Variants in ITSN2 observed in about 807,000 individuals in gnomAD.
ITSN2 encodes the protein intersectin-2.
ITSN2 carries 156 observed loss-of-function variants against 243.7 expected under a neutral mutation model. The observed-to-expected ratio is 0.64, with a 90% CI of 0.56 to 0.73. ITSN2 has a LOEUF of 0.73. ITSN2 is among the 30% of genes least tolerant of loss of function. The pLI is 0.00. For missense variants in ITSN2, 1,801 were observed against 1,996.1 expected (o/e 0.90, Z 1.86); for synonymous variants, 703 against 699.9 (o/e 1.00, Z -0.07).
intron 29 of ITSN2, among the ~76,000 whole-genome samples, chr2:24,228,462 A>G (rs956152253): frequency 1.3e-5 from 2 of 152,246 alleles, no homozygotes; most frequent in Non-Finnish European, 2.9e-5. Flanking sequence ...ACTGTATAAA[A>G]CAACAATAAT....
At chr2:24,258,889 G>A (rs2151376709) in intron 22 of ITSN2, among the ~76,000 whole-genome samples, 1 of 152,254 alleles carries the variant, frequency 6.6e-6, no homozygotes. Flanking sequence ...CTAACATCAA[G>A]CCTTGTAGTT....
At chr2:24,207,813 C>A (rs990613685) in intron 37 of ITSN2, among the ~76,000 whole-genome samples, 1 of 151,608 alleles carries the variant, frequency 6.6e-6, no homozygotes, top group Admixed American at 6.6e-5. Context: ...GTCTAGGCCC[C>A]CTGGCTGCAA....
intron 8 of ITSN2, among the ~76,000 whole-genome samples, chr2:24,305,317 A>G (rs1232014820): frequency 1.3e-5 from 2 of 152,162 alleles, no homozygotes; most frequent in African/African-American, 4.8e-5. Flanking sequence ...AAAACAGACC[A>G]GTGGACAGGC....
intron 15 of ITSN2, among the ~76,000 whole-genome samples, chr2:24,286,950 T>C (rs941637131): frequency 2.0e-5 from 3 of 152,156 alleles, no homozygotes; most frequent in East Asian, 3.8e-4. Flanking sequence ...GCAGAATACA[T>C]TACAATAAAT....
chr2:24,277,389 A>T (rs1224896430), intron 17 of ITSN2, among the ~76,000 whole-genome samples: 1 of 152,234 alleles, frequency 6.6e-6, no homozygotes, highest in Non-Finnish European at 1.5e-5. Flanking sequence ...GAAATAGTAG[A>T]TTTGATCTAA....
At chr2:24,288,113 G>A (rs1574159878) in intron 15 of ITSN2, among the ~76,000 whole-genome samples, 1 of 152,030 alleles carries the variant, frequency 6.6e-6, no homozygotes, top group East Asian at 1.9e-4. Flanking sequence ...CAAGGCCAAT[G>A]TCAAAGAGCT....
intron 14 of ITSN2, among the ~76,000 whole-genome samples, chr2:24,294,824 A>G (rs1167477693): frequency 6.6e-6 from 1 of 152,196 alleles, no homozygotes; most frequent in Non-Finnish European, 1.5e-5. Context: ...CAGTACTATT[A>G]AGAAGTAGGG....
chr2:24,257,249 G>C (rs898745484), intron 23 of ITSN2, among the ~76,000 whole-genome samples: 2 of 152,024 alleles, frequency 1.3e-5, no homozygotes, highest in Non-Finnish European at 2.9e-5. Context: ...AAGGCTGGGT[G>C]GTCGAGGCTG....
chr2:24,319,433 T>G (rs139221858), intron 2 of ITSN2, among the ~76,000 whole-genome samples: 2 of 152,318 alleles, frequency 1.3e-5, no homozygotes, highest in Middle Eastern at 3.4e-3. Context: ...AAGCACCTTA[T>G]GAGTCTGCCA....
chr2:24,357,733 T>C (rs994859483), intron 1 of ITSN2, among the ~76,000 whole-genome samples: 8 of 152,150 alleles, frequency 5.3e-5, no homozygotes, highest in African/African-American at 1.9e-4. Flanking sequence ...CACCGTTAGA[T>C]GGTAATAAAT....
chr2:24,313,400 C>T, intron 4 of ITSN2, 60 bp downstream of exon 4: 2 of 1,359,906 alleles, frequency 1.5e-6, no homozygotes, highest in Non-Finnish European at 2.1e-6. Flanking sequence ...TATGTTAACA[C>T]TATATTACAA....
At chr2:24,262,898 G>T (rs1412274365) in intron 20 of ITSN2, among the ~76,000 whole-genome samples, 2 of 151,844 alleles carry the variant, frequency 1.3e-5, no homozygotes, top group African/African-American at 4.8e-5. Context: ...AAAATCTTTG[G>T]CTCTTACCTC....
rs778661436 is a variant in ITSN2, at chr2:24,313,514, G to A, written c.134C>T (p.Ala45Val). The A allele has an allele frequency of 1.9e-6, 3 of 1,613,088 alleles. No individual in the cohort carries two copies. The highest frequency in any genetic ancestry group is 2.5e-6 in the Non-Finnish European group (3 of 1,179,418). The change falls in exon 4 of 40, where the codon GCA becomes GTA. Residue 45 changes from alanine to valine, a missense_variant. Physicochemically the swap from Ala to Val is moderately conservative, Grantham distance 64 (BLOSUM62 0). This residue lies in a region of ITSN2 where 77 missense variants were observed against 90.1 expected (regional missense o/e 0.85). Coordinates refer to ENST00000355123, the MANE Select transcript of ITSN2 (RefSeq NM_006277.3). ...PSGGYITGDQ[A>V]RNFFLQSGLP... ...ACCTGATTGTAGGAAAAAATTACGTGCTTGATCACCTGGAGGTAATAAAAA... is the reference window on the plus strand; with the variant it reads ...ACCTGATTGTAGGAAAAAATTACGTACTTGATCACCTGGAGGTAATAAAAA...
At chr2:24,356,921 A>G (rs1350724895) in intron 1 of ITSN2, among the ~76,000 whole-genome samples, 1 of 151,628 alleles carries the variant, frequency 6.6e-6, no homozygotes, top group Non-Finnish European at 1.5e-5. Flanking sequence ...AAAAAACACA[A>G]TGAGATACCA....
chr2:24,211,445 T>G lies in ITSN2; in HGVS notation c.4090-498A>C, dbSNP rs1224766915. On this transcript the variant is annotated intron_variant, in intron 33 of 39. Coordinates refer to ENST00000355123, the MANE Select transcript of ITSN2 (RefSeq NM_006277.3). The surrounding 1 kb of genome is among the most constrained non-coding windows in gnomAD (Gnocchi z 4.1). ...ACAATAAAATCACATTGTCAGCATG[T>G]GGAAGAAATGCATTCTGTTCATTCT... Among the ~76,000 whole-genome samples the G allele has an allele frequency of 2.0e-5, 3 of 152,204 alleles. No individual in the cohort carries two copies. Among genetic ancestry groups the G allele is most frequent in the African/African-American group, 7.2e-5 (3 of 41,446 alleles).
At chr2:24,340,375 G>A (rs575038364) in intron 1 of ITSN2, among the ~76,000 whole-genome samples, 2 of 152,006 alleles carry the variant, frequency 1.3e-5, no homozygotes, top group South Asian at 4.2e-4. Context: ...CAGCTACTTG[G>A]GAGGCTGAGG....
rs906091515 is a variant in ITSN2, at chr2:24,334,738, C to T, written c.-33-6623G>A. 74 of 1,583,714 alleles carry T rather than the reference C, an allele frequency of 4.7e-5. 1 individual carries two copies. In the African/African-American group the frequency reaches 9.7e-4, roughly 21 times the overall value. On this transcript the variant is annotated intron_variant, in intron 1 of 39. Transcript: ENST00000355123. ...TAAGGCTTGAGTGCGTTGAGCCCAA[C>T]TGCAGATCTAAGAGAATGTTGGCTA...
rs996828050 is a variant in ITSN2 at position 24,211,019 on chromosome 2, C to T, written c.4090-72G>A. The T allele has an allele frequency of 1.1e-4, 159 of 1,446,960 alleles. No individual in the cohort carries two copies. Among genetic ancestry groups the T allele is most frequent in the Non-Finnish European group, 1.4e-4 (149 of 1,040,946 alleles). The allele number at this position is 1,446,960 out of a possible 1,614,324, so 89.6% of individuals were successfully genotyped here. On this transcript the variant is annotated intron_variant, in intron 33 of 39. Coordinates refer to ENST00000355123, the MANE Select transcript of ITSN2 (RefSeq NM_006277.3). This position sits in a 1 kb window ranked among gnomAD's most constrained non-coding sequence, Gnocchi z 4.1. ...CTGCCCACCTGGACCTTCGCAGGACCGCTCCTCCAACCCCATGTTATGGAC... is the reference window on the plus strand; with the variant it reads ...CTGCCCACCTGGACCTTCGCAGGACTGCTCCTCCAACCCCATGTTATGGAC...
At chr2:24,292,535 A>G (rs1289853030) in intron 15 of ITSN2, among the ~76,000 whole-genome samples, 4 of 152,226 alleles carry the variant, frequency 2.6e-5, no homozygotes, top group Non-Finnish European at 4.4e-5. Context: ...ATAGTTCACA[A>G]GAGTGAACTT....
Sources: gnomAD v4.1 joint callset for allele counts (sites outside exome capture counted in the v4.1 genomes callset) on GRCh38, gnomAD v4.1.1 for gene constraint, gnomAD v4.1.1 regional missense constraint, Gnocchi (gnomAD v3.1) non-coding constraint, MANE v1.5 for transcripts, NCBI Gene and HGNC (gene_info 2026-07-23, HGNC 2026-07-21) for gene names.